TRIM39: variants seen among roughly 807,000 people sequenced by gnomAD.
The protein encoded by TRIM39 is tripartite motif containing 39, also known as E3 ubiquitin-protein ligase TRIM39.
A neutral mutation model predicts 53.6 loss-of-function variants in TRIM39; 5 were observed. The ratio of observed to expected loss-of-function variants is 0.09; its 90% CI spans 0.05 to 0.20. TRIM39 has a LOEUF of 0.20. Among genes scored for constraint, TRIM39 ranks in the 10% least tolerant of loss-of-function variants. The pLI is 1.00. For missense variants in TRIM39, 310 were observed against 621.0 expected (o/e 0.50, Z 5.32); for synonymous variants, 196 against 237.6 (o/e 0.82, Z 1.61).
In TRIM39 at chr6:30,342,484, G is replaced by A. The variant is rs1253799901; in HGVS notation, c.*225G>A. The A allele has an allele frequency of 1.7e-6, 1 of 597,210 alleles. No homozygotes were observed. The highest frequency in any genetic ancestry group is 3.0e-6 in the Non-Finnish European group (1 of 338,372). 37.0% of individuals were successfully genotyped at this position (597,210 alleles called of 1,614,324 possible). On this transcript the variant is annotated 3_prime_UTR_variant, in exon 8 of 8. Coordinates refer to ENST00000396551, the Ensembl canonical transcript of TRIM39. This position sits in a 1 kb window ranked among gnomAD's most constrained non-coding sequence, Gnocchi z 4.7. ...TCCTAACTGTCAGGGTGGGGAGCTG[G>A]TTCCCAGAGGATTGTCTACCCTGAA...
At position 30,342,927 on chromosome 6, in the gene TRIM39, G is replaced by C. The variant is rs964711004; in HGVS notation, c.*668G>C. 2 of 152,794 alleles carry C rather than the reference G, an allele frequency of 1.3e-5. No individual in the cohort carries two copies. The highest frequency in any genetic ancestry group is 1.3e-4 in the Admixed American group (2 of 15,286). The allele number at this position is 152,794 out of a possible 1,614,324, so 9.5% of individuals were successfully genotyped here. A position where few individuals can be genotyped will look rare whatever the true frequency, so the allele number is the denominator to read the frequency against. ...GATTGGCCAGAGGTAGGAATGTGGG[G>C]AGAAGGAGAGGCTGAAAAGAAAGCA... On this transcript the variant is annotated 3_prime_UTR_variant, in exon 8 of 8. Coordinates refer to ENST00000396551, the Ensembl canonical transcript of TRIM39. The surrounding 1 kb of genome is among the most constrained non-coding windows in gnomAD (Gnocchi z 4.7).
At chr6:30,341,378 C>G (rs1322464639) in intron 7 of TRIM39, 1 of 612,350 alleles carries the variant, frequency 1.6e-6, no homozygotes, top group Admixed American at 2.1e-5. Context: ...CCGTTTTTTT[C>G]TGCCCCTCAG....
chr6:30,335,575 G>A lies in TRIM39; in HGVS notation c.550-170G>A, dbSNP rs1001032100. ...TCATCCCAAGCAATCCACCTCCCTC[G>A]GCCTCCCAAAGTCCTGGGATTACAG... On this transcript the variant is annotated intron_variant, in intron 4 of 7. Coordinates refer to ENST00000396551, the Ensembl canonical transcript of TRIM39. The surrounding 1 kb of genome is among the most constrained non-coding windows in gnomAD (Gnocchi z 4.7). 1.8e-4 allele frequency among the ~76,000 whole-genome samples: 28 copies of A among 151,796 alleles called. No individual in the cohort carries two copies. The highest frequency in any genetic ancestry group is 6.6e-4 in the African/African-American group (27 of 41,204).
chr6:30,331,286 AAAC>A (rs748710173), intron 4 of TRIM39, among the ~76,000 whole-genome samples: 1 of 21,468 alleles, frequency 4.7e-5, no homozygotes, highest in African/African-American at 1.9e-4. Context: ...CAAAAAAAAC[AAAC>A]AAAAAAAAAA....
chr6:30,336,960 C>T (rs189032904), intron 5 of TRIM39, among the ~76,000 whole-genome samples: 40 of 152,276 alleles, frequency 2.6e-4, no homozygotes, highest in Admixed American at 2.0e-3. Context: ...CATGGGCTGC[C>T]GATTGGATGT....
rs2127401639 is a variant in TRIM39, at chr6:30,335,982, C to T, written c.780+7C>T. 1 of 1,612,926 alleles carries T rather than the reference C, an allele frequency of 6.2e-7. No individual in the cohort carries two copies. Among genetic ancestry groups the T allele is most frequent in the Non-Finnish European group, 8.5e-7 (1 of 1,179,998 alleles). ...AGGCTTCGAGATGCTTAAGGTTCGACCTTTGCCCCTGCATAGCCCCTCAGG... is the reference window on the plus strand; with the variant it reads ...AGGCTTCGAGATGCTTAAGGTTCGATCTTTGCCCCTGCATAGCCCCTCAGG... On this transcript the variant is annotated splice_region_variant and intron_variant, in intron 5 of 7. Transcript: ENST00000396551. The surrounding 1 kb of genome is among the most constrained non-coding windows in gnomAD (Gnocchi z 4.7).
rs1297617423 is a variant in TRIM39, at chr6:30,339,375, C to G, written c.781-533C>G. On this transcript the variant is annotated intron_variant, in intron 5 of 7. Transcript: ENST00000396551. This position sits in a 1 kb window ranked among gnomAD's most constrained non-coding sequence, Gnocchi z 4.2. The stretch of plus-strand genomic sequence containing the variant: ...TGTTGGCTAGGCTGGTCTTGAACTC[C>G]TGACCTCAAGTGATCCACCCGTCTT... 6.6e-6 allele frequency among the ~76,000 whole-genome samples: 1 copy of G among 152,148 alleles called. No individual in the cohort carries two copies. Among genetic ancestry groups the G allele is most frequent in the Non-Finnish European group, 1.5e-5 (1 of 68,028 alleles).
At chr6:30,337,975 C>T (rs1378922850) in intron 5 of TRIM39, among the ~76,000 whole-genome samples, 1 of 152,238 alleles carries the variant, frequency 6.6e-6, no homozygotes, top group Admixed American at 6.5e-5. Flanking sequence ...ACAGAGATGG[C>T]TTCTTTTCTT....
chr6:30,340,656 C>T (rs762175442), intron 7 of TRIM39, 36 bp downstream of exon 7: 64 of 1,590,268 alleles, frequency 4.0e-5, no homozygotes, highest in Non-Finnish European at 5.0e-5. Context: ...GAAGAAACCA[C>T]TAGAGAGAAG....
At chr6:30,328,440 T>G (rs930559412) in intron 1 of TRIM39, among the ~76,000 whole-genome samples, 2 of 152,258 alleles carry the variant, frequency 1.3e-5, no homozygotes, top group Non-Finnish European at 2.9e-5. Context: ...TAGGCTAGTC[T>G]GATGGATAAA....
rs1787127629 is a variant in TRIM39 at position 30,338,515 on chromosome 6, G to GT, written c.781-1391dup. Among the ~76,000 whole-genome samples, 1 of 151,380 alleles carries GT rather than the reference G, an allele frequency of 6.6e-6. No individual in the cohort carries two copies. The highest frequency in any genetic ancestry group is 1.5e-5 in the Non-Finnish European group (1 of 67,942). ...CACATAAAATATATTTATCGATTAAGTTGTTCGTCTTATATGGATGCAGTT... is the reference window on the plus strand; with the variant it reads ...CACATAAAATATATTTATCGATTAAGTTTGTTCGTCTTATATGGATGCAGTT... On this transcript the variant is annotated intron_variant, in intron 5 of 7. Transcript: ENST00000396551. This position sits in a 1 kb window ranked among gnomAD's most constrained non-coding sequence, Gnocchi z 4.0.
chr6:30,328,741 A>T (rs917100065), intron 1 of TRIM39, 148 bp from the exon 2 acceptor site: 6 of 152,272 alleles, frequency 3.9e-5, no homozygotes, highest in Admixed American at 3.3e-4. Flanking sequence ...AAAAGGTTGG[A>T]TATTGTGATT....
In TRIM39 at chr6:30,339,986, G is replaced by T. The variant is rs1181710683; in HGVS notation, c.803+56G>T. On this transcript the variant is annotated intron_variant, in intron 6 of 7. Coordinates refer to ENST00000396551, the Ensembl canonical transcript of TRIM39. This position sits in a 1 kb window ranked among gnomAD's most constrained non-coding sequence, Gnocchi z 4.2. ...TTAGGTCTTGGCTTAGAGAGGAGGG[G>T]TACAGTCAGGAGTTTGGGTTGGGGG... 6.2e-7 allele frequency: 1 copy of T among 1,613,494 alleles called. No individual in the cohort carries two copies. Among genetic ancestry groups the T allele is most frequent in the South Asian group, 1.1e-5 (1 of 90,968 alleles).
chr6:30,341,577 GA>G (rs998371078), intron 7 of TRIM39, 134 bp from the exon 8 acceptor site: 10 of 1,349,084 alleles, frequency 7.4e-6, no homozygotes, highest in Non-Finnish European at 9.1e-6. Flanking sequence ...CATGGATTGA[GA>G]AAGTTAACCA....
chr6:30,330,350 G>C (rs1235813831), intron 3 of TRIM39, among the ~76,000 whole-genome samples: 1 of 152,164 alleles, frequency 6.6e-6, no homozygotes, highest in Non-Finnish European at 1.5e-5. Flanking sequence ...TGTTACTCTT[G>C]AAAACAAGAT....
Position 30,335,602 on chromosome 6 carries a change from C to A in TRIM39, c.550-143C>A. 1 of 1,141,086 alleles carries A rather than the reference C, an allele frequency of 8.8e-7. No individual in the cohort carries two copies. The highest frequency in any genetic ancestry group is 1.2e-6 in the Non-Finnish European group (1 of 825,292). 70.7% of individuals were successfully genotyped at this position (1,141,086 alleles called of 1,614,324 possible). A position where few individuals can be genotyped will look rare whatever the true frequency, so the allele number is the denominator to read the frequency against. On this transcript the variant is annotated intron_variant, in intron 4 of 7. Coordinates refer to ENST00000396551, the Ensembl canonical transcript of TRIM39. The surrounding 1 kb of genome is among the most constrained non-coding windows in gnomAD (Gnocchi z 4.7). ...CCTCCCAAAGTCCTGGGATTACAGT[C>A]ATGTGTCACCACACCCAGCCTTTGT...
chr6:30,333,565 G>C (rs1218535270), intron 4 of TRIM39, among the ~76,000 whole-genome samples: 1 of 151,660 alleles, frequency 6.6e-6, no homozygotes, highest in Non-Finnish European at 1.5e-5. Flanking sequence ...GTTTCACCGT[G>C]TTATCCAGGA....
intron 1 of TRIM39, chr6:30,327,840 A>G (rs1785572290): frequency 6.6e-6 from 1 of 152,248 alleles, no homozygotes; most frequent in African/African-American, 2.4e-5. Context: ...AGAAGTTATC[A>G]GTTCCTACTC....
At chr6:30,340,297 T>C in intron 6 of TRIM39, 1 of 1,613,016 alleles carries the variant, frequency 6.2e-7, no homozygotes, top group African/African-American at 1.3e-5. Context: ...GTTCGGAGGC[T>C]CACTCTCAAC....
Sources: gnomAD v4.1 joint callset for allele counts (sites outside exome capture counted in the v4.1 genomes callset) on GRCh38, gnomAD v4.1.1 for gene constraint, Gnocchi (gnomAD v3.1) non-coding constraint, MANE v1.5 for transcripts, NCBI Gene and HGNC (gene_info 2026-07-23, HGNC 2026-07-21) for gene names.